Variants in SLC8A1 observed in about 807,000 individuals in gnomAD.
SLC8A1 encodes solute carrier family 8 member A1.
SLC8A1 carries 18 observed loss-of-function variants against 68.3 expected under a neutral mutation model. The observed-to-expected ratio is 0.26, with a 90% CI of 0.18 to 0.39. SLC8A1 has a LOEUF of 0.39. SLC8A1 is among the 10% of genes least tolerant of loss of function. SLC8A1 has a pLI of 1.00. For missense variants in SLC8A1, 985 were observed against 1,156.7 expected, an observed-to-expected ratio of 0.85 and a Z score of 2.15; for synonymous variants, 475 against 415.5, an observed-to-expected ratio of 1.14 and a Z score of -1.74.
chr2:40,429,434 G>A (rs1697743888), exon 2 of SLC8A1: 1 of 1,613,764 alleles, frequency 6.2e-7, no homozygotes, highest in Non-Finnish European at 8.5e-7. Flanking sequence ...TTAGAAGATG[G>A]CCTGTCTCCT....
chr2:40,163,947 G>A (rs1421386025), intron 5 of SLC8A1, among the ~76,000 whole-genome samples: 1 of 152,200 alleles, frequency 6.6e-6, no homozygotes, highest in African/African-American at 2.4e-5. Flanking sequence ...TTGGTGGTCT[G>A]ATTCTCTCTT....
At chr2:40,130,872 G>A (rs2039183472) in intron 7 of SLC8A1, among the ~76,000 whole-genome samples, 1 of 152,226 alleles carries the variant, frequency 6.6e-6, no homozygotes. Flanking sequence ...GGAAACAGAA[G>A]CACATTTGGA....
chr2:40,340,929 A>G (rs969797197), intron 2 of SLC8A1, among the ~76,000 whole-genome samples: 4 of 152,220 alleles, frequency 2.6e-5, no homozygotes, highest in Admixed American at 2.0e-4. Context: ...TCCTACACAA[A>G]TATACATTCC....
At position 40,227,564 on chromosome 2, in the gene SLC8A1, G is replaced by A. The variant is rs143395144; in HGVS notation, c.1809-49709C>T. ...AAACAACACATACTGGGGTCTTTTG[G>A]AGGGTGGGAAGAGGGAGAGCATCAG... On this transcript the variant is annotated intron_variant, in intron 2 of 7. Coordinates refer to ENST00000406785, the Ensembl canonical transcript of SLC8A1. Among the ~76,000 whole-genome samples the A allele has an allele frequency of 1.1e-4, 17 of 152,130 alleles. No homozygotes were observed. In the East Asian group the frequency reaches 3.1e-3, roughly 28 times the overall value.
intron 7 of SLC8A1, among the ~76,000 whole-genome samples, chr2:40,136,668 T>C (rs2040552438): frequency 6.6e-6 from 1 of 152,196 alleles, no homozygotes; most frequent in South Asian, 2.1e-4. Flanking sequence ...TTCTTTATTC[T>C]TCTGCCTGTA....
At chr2:40,314,534 A>C (rs1435148833) in intron 2 of SLC8A1, among the ~76,000 whole-genome samples, 2 of 152,040 alleles carry the variant, frequency 1.3e-5, no homozygotes, top group African/African-American at 4.8e-5. Context: ...TTACACCAAA[A>C]AAAAAATGCT....
At chr2:40,414,253 G>C (rs550432591) in intron 2 of SLC8A1, among the ~76,000 whole-genome samples, 1 of 152,124 alleles carries the variant, frequency 6.6e-6, no homozygotes, top group South Asian at 2.1e-4. Flanking sequence ...AAAACTCTGG[G>C]AACTGTTGAG....
Position 40,305,092 on chromosome 2 carries a change from T to A in SLC8A1, c.1808+123381A>T, listed in dbSNP as rs80281919. Among the ~76,000 whole-genome samples the A allele has an allele frequency of 2.1e-3, 324 of 152,340 alleles. 1 individual carries two copies. The highest frequency in any genetic ancestry group is 7.5e-3 in the African/African-American group (310 of 41,586). On this transcript the variant is annotated intron_variant, in intron 2 of 7. Coordinates refer to ENST00000406785, the Ensembl canonical transcript of SLC8A1. ...TCCCAGGTGATAGCCATTCTGCTGG[T>A]CCATGGATTGCATTTGAGTAGCAAG...
intron 2 of SLC8A1, among the ~76,000 whole-genome samples, chr2:40,399,525 C>G (rs1688041691): frequency 6.6e-6 from 1 of 152,134 alleles, no homozygotes; most frequent in South Asian, 2.1e-4. Context: ...GGTCTCGTCT[C>G]TAGAGGTCTA....
chr2:40,160,916 G>A (rs2045562308), intron 5 of SLC8A1, 52 bp from the exon 9 acceptor site: 1 of 1,308,876 alleles, frequency 7.6e-7, no homozygotes, highest in Middle Eastern at 1.8e-4. Flanking sequence ...AAGGCCTCAG[G>A]AAATCCAAGA....
At chr2:40,221,283 CAT>C (rs1174732463) in intron 2 of SLC8A1, among the ~76,000 whole-genome samples, 2 of 152,180 alleles carry the variant, frequency 1.3e-5, no homozygotes, top group Non-Finnish European at 2.9e-5. Context: ...GCAAAAACCA[CAT>C]GATTATCTCA....
rs189532589 is a variant in SLC8A1, at chr2:40,214,253, T to C, written c.1809-36398A>G. On this transcript the variant is annotated intron_variant, in intron 2 of 7. Coordinates refer to ENST00000406785, the Ensembl canonical transcript of SLC8A1. Reference sequence around the variant, plus strand: ...CTTCAGCTATGAATCAGGTGAAGTTTTCCTCACAGTCTCTGGAGTCTGCTT... The same window carrying C: ...CTTCAGCTATGAATCAGGTGAAGTTCTCCTCACAGTCTCTGGAGTCTGCTT... 1.0e-3 allele frequency among the ~76,000 whole-genome samples: 155 copies of C among 152,244 alleles called. 1 individual carries two copies. The highest frequency in any genetic ancestry group is 3.5e-3 in the African/African-American group (144 of 41,536).
intron 1 of SLC8A1, among the ~76,000 whole-genome samples, chr2:40,479,242 T>C (rs965124970): frequency 3.2e-4 from 48 of 152,244 alleles, no homozygotes; most frequent in African/African-American, 1.0e-3. Context: ...AATTAGTATC[T>C]TTTTCAAATA....
intron 5 of SLC8A1, among the ~76,000 whole-genome samples, chr2:40,164,113 C>T (rs144875717): frequency 5.3e-5 from 8 of 152,030 alleles, no homozygotes; most frequent in Non-Finnish European, 1.2e-4. Context: ...GTTTCTTCCC[C>T]TGTGGTCTTC....
chr2:40,147,385 A>T (rs1573145838), intron 6 of SLC8A1, among the ~76,000 whole-genome samples: 1 of 152,188 alleles, frequency 6.6e-6, no homozygotes, highest in East Asian at 1.9e-4. Flanking sequence ...ACCCTTAACT[A>T]ATTGTAGGAC....
chr2:40,281,649 G>A lies in SLC8A1; in HGVS notation c.1809-103794C>T, dbSNP rs184135774. Among the ~76,000 whole-genome samples the A allele has an allele frequency of 1.5e-3, 229 of 152,282 alleles. 1 individual carries two copies. Among genetic ancestry groups the A allele is most frequent in the Non-Finnish European group, 2.6e-3 (174 of 68,022 alleles). The stretch of plus-strand genomic sequence containing the variant: ...TGATTTCAAGCCCTGCTCCCTTCAG[G>A]CAACTTACAAAGAAAAGCTGTTAAG... On this transcript the variant is annotated intron_variant, in intron 2 of 7. Transcript: ENST00000406785.
exon 8 of SLC8A1, chr2:40,098,773 C>T (rs1572669137): frequency 6.6e-6 from 1 of 152,010 alleles, no homozygotes; most frequent in Non-Finnish European, 1.5e-5. Flanking sequence ...AAATATTTTC[C>T]TTGGTCCTTA....
At chr2:40,412,804 T>C (rs1335711953) in intron 2 of SLC8A1, among the ~76,000 whole-genome samples, 2 of 152,214 alleles carry the variant, frequency 1.3e-5, no homozygotes, top group African/African-American at 4.8e-5. Flanking sequence ...TTACTATGGA[T>C]GAAAACTATT....
At chr2:40,398,570 C>A (rs1273873246) in intron 2 of SLC8A1, among the ~76,000 whole-genome samples, 1 of 151,926 alleles carries the variant, frequency 6.6e-6, no homozygotes, top group Non-Finnish European at 1.5e-5. Flanking sequence ...AATAAATTTC[C>A]TACGTACATA....
Sources: gnomAD v4.1 joint callset for allele counts (sites outside exome capture counted in the v4.1 genomes callset) on GRCh38, gnomAD v4.1.1 for gene constraint, MANE v1.5 for transcripts, NCBI Gene and HGNC (gene_info 2026-07-23, HGNC 2026-07-21) for gene names.